Variants in RABEP1 observed in about 807,000 individuals in gnomAD.
The protein encoded by RABEP1 is rabaptin, RAB GTPase binding effector protein 1, also known as rab GTPase-binding effector protein 1.
RABEP1 carries 51 observed loss-of-function variants against 123.4 expected under a neutral mutation model. The observed-to-expected ratio is 0.41, with a 90% CI of 0.33 to 0.52. The LOEUF is 0.52. Among genes scored for constraint, RABEP1 ranks in the 20% least tolerant of loss-of-function variants. The pLI is 0.16. For synonymous variants in RABEP1, 347 were observed against 355.2 expected (o/e 0.98, Z 0.26); for missense variants, 888 against 996.3 (o/e 0.89, Z 1.46).
intron 2 of RABEP1, among the ~76,000 whole-genome samples, chr17:5,317,344 C>T (rs1567878218): frequency 6.6e-6 from 1 of 152,072 alleles, no homozygotes; most frequent in Non-Finnish European, 1.5e-5. Context: ...TTACTAGACA[C>T]AGAAAAAGTA....
intron 8 of RABEP1, among the ~76,000 whole-genome samples, chr17:5,359,990 A>AT (rs1909358087): frequency 6.6e-6 from 1 of 152,230 alleles, no homozygotes; most frequent in African/African-American, 2.4e-5. Context: ...GTAACATAAA[A>AT]TTTAAAGTGT....
At chr17:5,336,290 T>C (rs930342385) in intron 4 of RABEP1, among the ~76,000 whole-genome samples, 1 of 152,238 alleles carries the variant, frequency 6.6e-6, no homozygotes, top group East Asian at 1.9e-4. Context: ...TGTTTTTGAT[T>C]ATCTGAAAAA....
At chr17:5,328,302 A>G (rs1906169425) in intron 2 of RABEP1, among the ~76,000 whole-genome samples, 1 of 152,160 alleles carries the variant, frequency 6.6e-6, no homozygotes, top group Admixed American at 6.6e-5. Context: ...TGCCCATTAT[A>G]GGATTTTTTA....
At position 5,368,381 on chromosome 17, in the gene RABEP1, C is replaced by G. The variant is rs756002716; in HGVS notation, c.1797C>G (p.Leu599=). The change falls in exon 12 of 18, where the codon CTC becomes CTG. Residue 599 remains leucine, a synonymous_variant. Coordinates refer to ENST00000537505, the MANE Select transcript of RABEP1 (RefSeq NM_004703.6). ...GTGTTTTTTTAAAGATCTCTGCACT[C>G]GTCCTAAGAGCCCAGGCCTCCGAGA... The part of the protein sequence containing the change: ...SEDSSHQISA[L]VLRAQASEIL... 1.9e-6 allele frequency: 3 copies of G among 1,611,996 alleles called. No individual in the cohort carries two copies. Among genetic ancestry groups the G allele is most frequent in the South Asian group, 1.1e-5 (1 of 90,890 alleles).
In RABEP1 at chr17:5,338,049, G is replaced by A. The variant is rs779212269; in HGVS notation, c.559G>A (p.Val187Ile). The A allele has an allele frequency of 1.2e-5, 20 of 1,613,278 alleles. No individual in the cohort carries two copies. The highest frequency in any genetic ancestry group is 1.7e-5 in the Admixed American group (1 of 59,970). ...AGAGGATGCTGAGAAACTTCGGTCC[G>A]TTGTGATGCCAATGGAAAAGGAAAT... ...AQEDAEKLRS[V>I]VMPMEKEIAA... The change falls in exon 5 of 18, where the codon GTT becomes ATT. Residue 187 changes from valine (V) to isoleucine (I), a missense_variant. By Grantham distance (29) the Val-to-Ile change is conservative. Coordinates refer to ENST00000537505, the MANE Select transcript of RABEP1 (RefSeq NM_004703.6).
chr17:5,309,528 C>T (rs1459015735), intron 2 of RABEP1, among the ~76,000 whole-genome samples: 1 of 151,962 alleles, frequency 6.6e-6, no homozygotes, highest in Non-Finnish European at 1.5e-5. Flanking sequence ...TGGCGCATGC[C>T]TGTAATCCCA....
chr17:5,286,097 A>G (rs1229479344), intron 1 of RABEP1, among the ~76,000 whole-genome samples: 1 of 152,190 alleles, frequency 6.6e-6, no homozygotes, highest in Non-Finnish European at 1.5e-5. Flanking sequence ...CAAGGCATCA[A>G]TTTACATACT....
At chr17:5,300,242 C>T (rs1476220166) in intron 1 of RABEP1, among the ~76,000 whole-genome samples, 1 of 152,126 alleles carries the variant, frequency 6.6e-6, no homozygotes, top group Non-Finnish European at 1.5e-5. Context: ...CCTTAGGCTT[C>T]TCTAGACTGT....
chr17:5,376,313 G>A lies in RABEP1; in HGVS notation c.2026-803G>A, dbSNP rs1910988729. Among the ~76,000 whole-genome samples the A allele has an allele frequency of 2.0e-5, 3 of 152,142 alleles. No individual in the cohort carries two copies. The South Asian group carries it at 6.2e-4, about 32-fold the overall frequency. On this transcript the variant is annotated intron_variant, in intron 13 of 17. Transcript: ENST00000537505. Reference sequence around the variant, plus strand: ...TCCATACTCCAGTCTGGGTGACAGAGGAAGATCCTGTCTCAAGAAAAAGAA... The same window carrying A: ...TCCATACTCCAGTCTGGGTGACAGAAGAAGATCCTGTCTCAAGAAAAAGAA...
At chr17:5,305,961 CCAG>C (rs2075175764) in intron 1 of RABEP1, among the ~76,000 whole-genome samples, 1 of 152,128 alleles carries the variant, frequency 6.6e-6, no homozygotes, top group African/African-American at 2.4e-5. Flanking sequence ...GGAACTCAAA[CCAG>C]CAGTCATCCT....
chr17:5,348,661 C>T (rs530705438), intron 6 of RABEP1, among the ~76,000 whole-genome samples: 114 of 152,078 alleles, frequency 7.5e-4, no homozygotes, highest in Middle Eastern at 3.4e-3. Context: ...CCTGGGTTCA[C>T]GCCATTCTCC....
At chr17:5,339,787 A>T (rs899407976) in intron 5 of RABEP1, among the ~76,000 whole-genome samples, 3 of 152,146 alleles carry the variant, frequency 2.0e-5, no homozygotes, top group Admixed American at 6.5e-5. Flanking sequence ...TGGGCGACAG[A>T]GTGAGACTCC....
chr17:5,381,731 G>C (rs764630692), intron 17 of RABEP1: 14 of 551,578 alleles, frequency 2.5e-5, no homozygotes, highest in Non-Finnish European at 3.7e-5. Flanking sequence ...GCCTCCTTAT[G>C]AGTAAAGTAC....
intron 1 of RABEP1, among the ~76,000 whole-genome samples, chr17:5,307,445 GA>G: frequency 6.6e-6 from 1 of 152,334 alleles, no homozygotes; most frequent in South Asian, 2.1e-4. Context: ...GTGATTGGGA[GA>G]GGGGATAGCC....
chr17:5,382,846 G>A (rs1380049082), intron 17 of RABEP1, among the ~76,000 whole-genome samples: 1 of 151,496 alleles, frequency 6.6e-6, no homozygotes, highest in Non-Finnish European at 1.5e-5. Context: ...CTTGAACCCG[G>A]GAGGTGGAGA....
chr17:5,365,368 G>C lies in RABEP1; in HGVS notation c.1785+130G>C, dbSNP rs576546493. 3.7e-5 allele frequency: 20 copies of C among 538,582 alleles called. No individual in the cohort carries two copies. The South Asian group carries it at 7.7e-4, about 21-fold the overall frequency. The allele number at this position is 538,582 out of a possible 1,614,324, so 33.4% of individuals were successfully genotyped here. A position where few individuals can be genotyped will look rare whatever the true frequency, so the allele number is the denominator to read the frequency against. ...AGTTTTATTTTCCCTCAGGTAAAAA[G>C]ATTTCTTACTGATCATTCTGTGATC... On this transcript the variant is annotated intron_variant, in intron 11 of 17. Transcript: ENST00000537505.
At chr17:5,361,036 GT>G in intron 8 of RABEP1, 171 bp from the exon 9 acceptor site, 2 of 641,866 alleles carry the variant, frequency 3.1e-6, no homozygotes, top group Non-Finnish European at 5.3e-6. Context: ...TGAGGGCCTG[GT>G]TTTGTGTCCA....
At chr17:5,328,600 C>T (rs182742165) in intron 2 of RABEP1, among the ~76,000 whole-genome samples, 2 of 139,474 alleles carry the variant, frequency 1.4e-5, no homozygotes, top group Non-Finnish European at 3.0e-5. Flanking sequence ...GAGCTGAGGT[C>T]GCACCACTGC....
At chr17:5,330,566 C>T (rs1409738315) in intron 2 of RABEP1, among the ~76,000 whole-genome samples, 1 of 152,148 alleles carries the variant, frequency 6.6e-6, no homozygotes, top group African/African-American at 2.4e-5. Context: ...CTTGTGATTT[C>T]CTTAAAGTCA....
Sources: allele counts gnomAD v4.1 joint callset (sites outside exome capture counted in the v4.1 genomes callset), GRCh38; gene constraint gnomAD v4.1.1; transcripts MANE v1.5; gene names NCBI Gene and HGNC (gene_info 2026-07-23, HGNC 2026-07-21).